B3GALT1: variants seen among roughly 807,000 people sequenced by gnomAD.
B3GALT1 encodes beta-1,3-galactosyltransferase 1, also known as UDP-Gal:betaGlcNAc beta 1,3-galactosyltransferase, polypeptide 1.
Under a neutral mutation model 23.2 loss-of-function variants are expected in B3GALT1, and 10 were observed. The ratio of observed to expected loss-of-function variants is 0.43; its 90% CI spans 0.27 to 0.73. The LOEUF (loss-of-function observed/expected upper bound fraction) is 0.73. Among genes scored for constraint, B3GALT1 ranks in the 30% least tolerant of loss-of-function variants. B3GALT1 has a pLI of 0.21. For missense variants in B3GALT1, 299 were observed against 405.4 expected, an observed-to-expected ratio of 0.74 and a Z score of 2.25; for synonymous variants, 156 against 141.5, an observed-to-expected ratio of 1.10 and a Z score of -0.73.
At chr2:167,446,530 T>C (rs1029040886) in intron 1 of B3GALT1, among the ~76,000 whole-genome samples, 1 of 152,184 alleles carries the variant, frequency 6.6e-6, no homozygotes, top group Admixed American at 6.5e-5. Context: ...TCTTTTCACA[T>C]GGTCCCATAT....
chr2:167,791,126 A>G (rs1356133545), intron 3 of B3GALT1, among the ~76,000 whole-genome samples: 1 of 152,164 alleles, frequency 6.6e-6, no homozygotes, highest in Non-Finnish European at 1.5e-5. Flanking sequence ...TATAAACATT[A>G]GCACATTTAA....
chr2:167,498,968 A>G (rs188269798), intron 2 of B3GALT1, among the ~76,000 whole-genome samples: 1 of 152,162 alleles, frequency 6.6e-6, no homozygotes, highest in Non-Finnish European at 1.5e-5. Flanking sequence ...AAATAATTAC[A>G]AAAACAGCCT....
chr2:167,758,700 C>T (rs1249720312), intron 3 of B3GALT1, among the ~76,000 whole-genome samples: 1 of 152,066 alleles, frequency 6.6e-6, no homozygotes, highest in Non-Finnish European at 1.5e-5. Flanking sequence ...GCATCAGTGA[C>T]TTCTCTGTGT....
chr2:167,385,018 C>G (rs183578244), intron 1 of B3GALT1, among the ~76,000 whole-genome samples: 1 of 152,028 alleles, frequency 6.6e-6, no homozygotes, highest in Non-Finnish European at 1.5e-5. Flanking sequence ...AGTATTGTGC[C>G]GAGAATCAGT....
intron 4 of B3GALT1, among the ~76,000 whole-genome samples, chr2:167,847,693 G>C (rs1475475096): frequency 6.6e-6 from 1 of 151,768 alleles, no homozygotes; most frequent in Non-Finnish European, 1.5e-5. Context: ...AGAGAAACAA[G>C]AACAAACCAA....
intron 3 of B3GALT1, among the ~76,000 whole-genome samples, chr2:167,649,624 T>C (rs2105462748): frequency 6.6e-6 from 1 of 152,212 alleles, no homozygotes; most frequent in East Asian, 1.9e-4. Context: ...TGGAGATGTA[T>C]CAGTAATTTG....
chr2:167,329,082 G>A (rs762524615), intron 1 of B3GALT1, among the ~76,000 whole-genome samples: 16 of 152,092 alleles, frequency 1.1e-4, no homozygotes, highest in Admixed American at 8.5e-4. Context: ...CAAAGTGCTG[G>A]GATTACACGA....
chr2:167,543,443 A>G (rs2105375160), intron 2 of B3GALT1, among the ~76,000 whole-genome samples: 1 of 152,312 alleles, frequency 6.6e-6, no homozygotes, highest in Non-Finnish European at 1.5e-5. Flanking sequence ...ACATATGAAG[A>G]TATAAGGTAT....
At chr2:167,690,377 A>G (rs1686691729) in intron 3 of B3GALT1, among the ~76,000 whole-genome samples, 2 of 152,094 alleles carry the variant, frequency 1.3e-5, no homozygotes. Context: ...TAAATTATTT[A>G]TAAGTACAAA....
At chr2:167,632,642 C>T (rs946761402) in intron 2 of B3GALT1, among the ~76,000 whole-genome samples, 3 of 151,438 alleles carry the variant, frequency 2.0e-5, no homozygotes, top group African/African-American at 4.8e-5. Flanking sequence ...TTAAAGGATT[C>T]GTTTGTTTTT....
At chr2:167,808,010 G>C (rs1182607881) in intron 3 of B3GALT1, among the ~76,000 whole-genome samples, 3 of 152,034 alleles carry the variant, frequency 2.0e-5, no homozygotes, top group African/African-American at 4.8e-5. Context: ...TATATATTTA[G>C]GATAGTTAGC....
intron 4 of B3GALT1, among the ~76,000 whole-genome samples, chr2:167,828,422 G>C (rs1689274063): frequency 6.6e-6 from 1 of 152,190 alleles, no homozygotes; most frequent in Non-Finnish European, 1.5e-5. Context: ...ATGTGACATG[G>C]TCAGAAATAT....
chr2:167,332,670 C>T (rs1301050128), intron 1 of B3GALT1, among the ~76,000 whole-genome samples: 1 of 152,314 alleles, frequency 6.6e-6, no homozygotes, highest in East Asian at 1.9e-4. Context: ...GTGCACAAAA[C>T]ACTTCGGAAC....
intron 1 of B3GALT1, among the ~76,000 whole-genome samples, chr2:167,467,006 G>A (rs1193822954): frequency 2.0e-5 from 3 of 151,454 alleles, no homozygotes; most frequent in Non-Finnish European, 4.4e-5. Flanking sequence ...GGGATTACAG[G>A]TGTGAGCCAC....
intron 2 of B3GALT1, among the ~76,000 whole-genome samples, chr2:167,586,013 G>A (rs1684578769): frequency 6.6e-6 from 1 of 152,180 alleles, no homozygotes; most frequent in Non-Finnish European, 1.5e-5. Flanking sequence ...AATACCTAGG[G>A]CAGCACAAGT....
At position 167,351,492 on chromosome 2, in the gene B3GALT1, G is replaced by A. The variant is rs536342069; in HGVS notation, c.-511+58158G>A. ...AATTTTGCATTAATTACTCTTCATG[G>A]CATCAAAAATAAGAGAGAATTTTGC... On this transcript the variant is annotated intron_variant, in intron 1 of 4. Coordinates refer to ENST00000392690, the MANE Select transcript of B3GALT1 (RefSeq NM_020981.4). Among the ~76,000 whole-genome samples, 7 of 152,154 alleles carry A rather than the reference G, an allele frequency of 4.6e-5. No homozygotes were observed. In the East Asian group the frequency reaches 1.2e-3, roughly 25 times the overall value.
chr2:167,469,002 G>T (rs1236924948), intron 1 of B3GALT1, among the ~76,000 whole-genome samples: 2 of 152,204 alleles, frequency 1.3e-5, no homozygotes, highest in African/African-American at 4.8e-5. Context: ...AAAATAAAAG[G>T]ACACAAATAT....
intron 1 of B3GALT1, among the ~76,000 whole-genome samples, chr2:167,453,337 C>A (rs746308265): frequency 6.6e-6 from 1 of 152,164 alleles, no homozygotes; most frequent in Non-Finnish European, 1.5e-5. Flanking sequence ...TGTTCTTTTC[C>A]TTAGTTATTT....
At chr2:167,305,300 A>C (rs1023865215) in intron 1 of B3GALT1, among the ~76,000 whole-genome samples, 1 of 152,172 alleles carries the variant, frequency 6.6e-6, no homozygotes, top group Non-Finnish European at 1.5e-5. Flanking sequence ...AGGACTGTCA[A>C]AGTTTACAAG....
Sources: gnomAD v4.1 joint callset for allele counts (sites outside exome capture counted in the v4.1 genomes callset) on GRCh38, gnomAD v4.1.1 for gene constraint, MANE v1.5 for transcripts, NCBI Gene and HGNC (gene_info 2026-07-23, HGNC 2026-07-21) for gene names.